MOCS2: variants seen among roughly 807,000 people sequenced by gnomAD.
MOCS2 encodes the protein molybdenum cofactor synthesis 2, also known as molybdopterin synthase catalytic subunit.
A neutral mutation model predicts 21.9 loss-of-function variants in MOCS2; 13 were observed. That is an observed-to-expected ratio of 0.59 (90% CI 0.39 to 0.94). The LOEUF is 0.94. Among genes scored for constraint, MOCS2 ranks in the 40% least tolerant of loss-of-function variants. The pLI is 0.00. For missense variants in MOCS2, 227 were observed against 218.3 expected, an observed-to-expected ratio of 1.04 and a Z score of -0.25; for synonymous variants, 92 against 80.8, an observed-to-expected ratio of 1.14 and a Z score of -0.74.
intron 3 of MOCS2, among the ~76,000 whole-genome samples, chr5:53,102,728 T>C (rs1400532755): frequency 6.6e-6 from 1 of 151,818 alleles, no homozygotes. Context: ...GGGTGGATCA[T>C]TTGGGGTCAG....
rs755284842 is a variant in MOCS2 at position 53,098,660 on chromosome 5, T to C, written c.509A>G (p.Tyr170Cys). ...AKVPIWKKEI[Y>C]EESSTWKGNK... ...TCCTTTCCAAGTTGATGACTCTTCG[T>C]ATATTTCCTAAAAAACAAAATCATA... The change falls in exon 7 of 7, where the codon TAC becomes TGC. Residue 170 changes from tyrosine (Y) to cysteine (C), a missense_variant. By Grantham distance (194) the Tyr-to-Cys change is radical. Coordinates refer to ENST00000396954, the MANE Select transcript of MOCS2 (RefSeq NM_004531.5). 2.5e-6 allele frequency: 4 copies of C among 1,613,238 alleles called. No individual in the cohort carries two copies. In the South Asian group the frequency reaches 3.3e-5, roughly 13 times the overall value.
intron 2 of MOCS2, 77 bp downstream of exon 2, chr5:53,108,445 C>T (rs1283608554): frequency 2.3e-6 from 3 of 1,306,024 alleles, no homozygotes; most frequent in African/African-American, 1.6e-5. Context: ...TCGAAATTAA[C>T]CTTTTTACTT....
intron 1 of MOCS2, 110 bp from the exon 2 acceptor site, chr5:53,108,753 T>G (rs1741122187): frequency 8.8e-7 from 1 of 1,130,848 alleles, no homozygotes; most frequent in South Asian, 1.7e-5. Flanking sequence ...AAGACAAATT[T>G]TATAAAGAAA....
At position 53,097,110 on chromosome 5, in the gene MOCS2, A is replaced by G. The variant is rs1322783972; in HGVS notation, c.*1492T>C. The G allele has an allele frequency of 6.6e-6, 1 of 152,290 alleles. No homozygotes were observed. Among genetic ancestry groups the G allele is most frequent in the East Asian group, 1.9e-4 (1 of 5,196 alleles). The allele number at this position is 152,290 out of a possible 1,614,324, so 9.4% of individuals were successfully genotyped here. ...ACTGAACTGTGAAGGTAAGGCTGAG[A>G]CCAAACAGGCAACCCGAACCCGGCA... On this transcript the variant is annotated 3_prime_UTR_variant, in exon 7 of 7. Coordinates refer to ENST00000396954, the MANE Select transcript of MOCS2 (RefSeq NM_004531.5).
intron 4 of MOCS2, 97 bp from the exon 5 acceptor site, chr5:53,101,606 G>C (rs1740911571): frequency 4.4e-6 from 4 of 915,660 alleles, no homozygotes; most frequent in Non-Finnish European, 6.7e-6. Context: ...ATTTTTAATA[G>C]TAAATTAATA....
intron 3 of MOCS2, among the ~76,000 whole-genome samples, chr5:53,104,364 A>G (rs761280663): frequency 1.1e-4 from 16 of 152,218 alleles, no homozygotes; most frequent in Non-Finnish European, 1.9e-4. Context: ...AAAAATGCAT[A>G]ATACCAGTCC....
At chr5:53,099,924 GA>G (rs1443264149) in intron 6 of MOCS2, among the ~76,000 whole-genome samples, 4 of 152,092 alleles carry the variant, frequency 2.6e-5, no homozygotes, top group Non-Finnish European at 5.9e-5. Flanking sequence ...CTTATTGACA[GA>G]AAACATGCCA....
chr5:53,105,856 C>T (rs547380908), intron 3 of MOCS2, among the ~76,000 whole-genome samples: 33 of 152,074 alleles, frequency 2.2e-4, no homozygotes, highest in Admixed American at 9.8e-4. Context: ...ATCAGCATCT[C>T]TAAGGAATTT....
In MOCS2 at chr5:53,107,109, T is replaced by TG. The variant is rs398122799; in HGVS notation, c.65dup (p.Leu23IlefsTer5). ...GCTCAAAAGCACTATCCTCCACTAA[T>TG]GGGGGGGATAACGGCAATTTCGTCT... is the stretch of plus-strand genomic sequence containing the variant. On this transcript the variant is annotated frameshift_variant, in exon 3 of 7. Coordinates refer to ENST00000396954, the MANE Select transcript of MOCS2 (RefSeq NM_004531.5). LOFTEE classifies it high-confidence loss of function. 16 of 1,613,882 alleles carry TG rather than the reference T, an allele frequency of 9.9e-6. No individual in the cohort carries two copies. The highest frequency in any genetic ancestry group is 4.0e-5 in the African/African-American group (3 of 74,982).
Position 53,100,408 on chromosome 5 carries a change from T to C in MOCS2, c.501+3A>G. ...GCTAAAATGTGTTATTTTCTTAACT[T>C]ACCTTTTTCCATATGGGCACCTTGG... On this transcript the variant is annotated splice_donor_region_variant and intron_variant, in intron 6 of 6. Transcript: ENST00000396954. The C allele has an allele frequency of 6.2e-7, 1 of 1,613,754 alleles. No homozygotes were observed. The highest frequency in any genetic ancestry group is 8.5e-7 in the Non-Finnish European group (1 of 1,179,722).
intron 6 of MOCS2, among the ~76,000 whole-genome samples, chr5:53,099,646 A>C (rs1740852419): frequency 6.6e-6 from 1 of 152,140 alleles, no homozygotes; most frequent in Admixed American, 6.5e-5. Flanking sequence ...TCTACCACTG[A>C]CTGAGGCAGG....
At chr5:53,098,843 T>C (rs771826647) in intron 6 of MOCS2, 176 bp from the exon 7 acceptor site, 1 of 615,518 alleles carries the variant, frequency 1.6e-6, no homozygotes, top group Non-Finnish European at 2.9e-6. Context: ...AGAAAGTCTT[T>C]AGTTTTAAAC....
chr5:53,108,323 T>C (rs1448219325), intron 2 of MOCS2, among the ~76,000 whole-genome samples, 199 bp downstream of exon 2: 1 of 152,240 alleles, frequency 6.6e-6, no homozygotes, highest in Non-Finnish European at 1.5e-5. Context: ...GTTCACTGTG[T>C]TTTGGGGTAA....
At chr5:53,103,372 T>TA (rs1740969725) in intron 3 of MOCS2, among the ~76,000 whole-genome samples, 1 of 152,138 alleles carries the variant, frequency 6.6e-6, no homozygotes, top group African/African-American at 2.4e-5. Flanking sequence ...ACCACTATGG[T>TA]ACCAAGCACC....
intron 6 of MOCS2, among the ~76,000 whole-genome samples, chr5:53,099,258 C>A (rs1202861766): frequency 6.6e-6 from 1 of 152,168 alleles, no homozygotes; most frequent in Admixed American, 6.5e-5. Flanking sequence ...ATACGAAGCC[C>A]AACTAGTCCT....
At chr5:53,102,951 C>CAAAA (rs70983322) in intron 3 of MOCS2, among the ~76,000 whole-genome samples, 3 of 123,588 alleles carry the variant, frequency 2.4e-5, no homozygotes, top group South Asian at 2.6e-4. Flanking sequence ...TACCCCATCT[C>CAAAA]AAAAAAAAAA....
rs1740793689 is a variant in MOCS2 at position 53,098,031 on chromosome 5, T to C, written c.*571A>G. On this transcript the variant is annotated 3_prime_UTR_variant, in exon 7 of 7. Transcript: ENST00000396954. ...CAGAAATCTCCATAATGAGAACTAT[T>C]TTAGGCAATTTAAAAAAAAAGAAAA... 1 of 152,382 alleles carries C rather than the reference T, an allele frequency of 6.6e-6. No homozygotes were observed. The allele number at this position is 152,382 out of a possible 1,614,324, so 9.4% of individuals were successfully genotyped here.
intron 3 of MOCS2, among the ~76,000 whole-genome samples, chr5:53,105,990 T>C (rs30163): frequency 0.8 from 121,236 of 152,208 alleles, 48,907 homozygotes; most frequent in African/African-American, 0.93. Flanking sequence ...CATCACTGAT[T>C]ATTAGAGAAA....
intron 3 of MOCS2, among the ~76,000 whole-genome samples, chr5:53,102,816 C>T (rs1004492998): frequency 2.0e-5 from 3 of 151,940 alleles, no homozygotes; most frequent in African/African-American, 4.8e-5. Context: ...GCGGTAGTGG[C>T]ACACATCTAT....
Sources: gnomAD v4.1 joint callset for allele counts (sites outside exome capture counted in the v4.1 genomes callset) on GRCh38, gnomAD v4.1.1 for gene constraint, MANE v1.5 for transcripts, NCBI Gene and HGNC (gene_info 2026-07-23, HGNC 2026-07-21) for gene names.